The following GRWD1 variants were observed in gnomAD, a reference collection of about 807,000 sequenced individuals.
GRWD1 encodes the protein glutamate-rich WD repeat-containing protein 1.
In GRWD1, 29 loss-of-function variants were observed where a neutral mutation model predicts 45.3. The ratio of observed to expected loss-of-function variants is 0.64; its 90% CI spans 0.48 to 0.87. The LOEUF (loss-of-function observed/expected upper bound fraction) is 0.87. Ranked by LOEUF, GRWD1 falls within the 40% of genes least tolerant of loss-of-function variation. GRWD1 has a pLI of 0.00. For synonymous variants in GRWD1, 262 were observed against 257.6 expected, an observed-to-expected ratio of 1.02 and a Z score of -0.16; for missense variants, 592 against 618.8, an observed-to-expected ratio of 0.96 and a Z score of 0.46.
chr19:48,446,095 C>T lies in GRWD1; in HGVS notation c.90C>T (p.Ala30=). The T allele has an allele frequency of 6.3e-7, 1 of 1,595,116 alleles. No homozygotes were observed. Among genetic ancestry groups the T allele is most frequent in the Non-Finnish European group, 8.5e-7 (1 of 1,173,296 alleles). The change falls in exon 1 of 7, where the codon GCC becomes GCT. Residue 30 remains alanine, a synonymous_variant. Transcript: ENST00000253237. ...ESGDTSSEGP[A]QVYLPGRGPP... ...GCGACACAAGTTCCGAGGGCCCGGC[C>T]CAGGTCTACCTGCCCGGCCGGGGGC...
intron 3 of GRWD1, among the ~76,000 whole-genome samples, chr19:48,449,570 C>T (rs1601003757): frequency 6.6e-6 from 1 of 152,284 alleles, no homozygotes; most frequent in Admixed American, 6.5e-5. Flanking sequence ...TGCCTGTAAT[C>T]CCAGCACTTT....
rs1404421464 is a variant in GRWD1, at chr19:48,456,543, G to A, written c.*3518G>A. On this transcript the variant is annotated 3_prime_UTR_variant, in exon 7 of 7. Transcript: ENST00000253237. ...GTGGGAAGCAGGTGCAGGGCTTTGG[G>A]AGACCCAGTTGGTGCCAAACTTGAC... The A allele has an allele frequency of 6.6e-6, 1 of 152,228 alleles. No individual in the cohort carries two copies. Among genetic ancestry groups the A allele is most frequent in the Non-Finnish European group, 1.5e-5 (1 of 68,052 alleles). The allele number at this position is 152,228 out of a possible 1,614,324, so 9.4% of individuals were successfully genotyped here.
chr19:48,453,009 G>GA lies in GRWD1; in HGVS notation c.1325_1326insA (p.Thr443HisfsTer36), dbSNP rs1569080429. On this transcript the variant is annotated frameshift_variant, in exon 7 of 7. Coordinates refer to ENST00000253237, the MANE Select transcript of GRWD1 (RefSeq NM_031485.4). LOFTEE classifies it high-confidence loss of function. ...GCGCTGTCAGGCTTCACCATCTTCCGCACCATCAGCGTCTGAGGCGTCCCA... is the reference window on the plus strand; with the variant it reads ...GCGCTGTCAGGCTTCACCATCTTCCGACACCATCAGCGTCTGAGGCGTCCCA... 6.3e-7 allele frequency: 1 copy of GA among 1,588,384 alleles called. No homozygotes were observed. The highest frequency in any genetic ancestry group is 8.6e-7 in the Non-Finnish European group (1 of 1,162,878).
rs536206747 is a variant in GRWD1 at position 48,455,821 on chromosome 19, G to T, written c.*2796G>T. The T allele has an allele frequency of 6.6e-6, 1 of 152,476 alleles. No homozygotes were observed. The highest frequency in any genetic ancestry group is 1.9e-4 in the East Asian group (1 of 5,180). The allele number at this position is 152,476 out of a possible 1,614,324, so 9.4% of individuals were successfully genotyped here. On this transcript the variant is annotated 3_prime_UTR_variant, in exon 7 of 7. Transcript: ENST00000253237. ...GCCTGTTCCCCAACTGTGAAAGGGG[G>T]TGATGATCTTCACCTCCCGGCATCC...
chr19:48,450,937 A>G lies in GRWD1; in HGVS notation c.826-97A>G. The G allele has an allele frequency of 1.3e-6, 2 of 1,505,884 alleles. No individual in the cohort carries two copies. The highest frequency in any genetic ancestry group is 1.8e-6 in the Non-Finnish European group (2 of 1,104,422). The allele number at this position is 1,505,884 out of a possible 1,614,324, so 93.3% of individuals were successfully genotyped here. A position where few individuals can be genotyped will look rare whatever the true frequency, so the allele number is the denominator to read the frequency against. On this transcript the variant is annotated intron_variant, in intron 5 of 6. Transcript: ENST00000253237. The surrounding 1 kb of genome is among the most constrained non-coding windows in gnomAD (Gnocchi z 5.1). ...TTTAGTTTCCAGGCCAAGTCATAGT[A>G]AGGGGAACAGTGAAAGAGAGAGTAG... is the stretch of plus-strand genomic sequence containing the variant.
rs141552216 is a variant in GRWD1 at position 48,446,744 on chromosome 19, TGAA to T, written c.378_380del (p.Glu129del). On this transcript the variant is annotated inframe_deletion, in exon 3 of 7. Coordinates refer to ENST00000253237, the MANE Select transcript of GRWD1 (RefSeq NM_031485.4). ...AGCCCCCACCCTCAGAGGGCAGTGATGAAGAAGAAGAGGAGGAAGATGAAGAGG... is the reference window on the plus strand; with the variant it reads ...AGCCCCCACCCTCAGAGGGCAGTGATGAAGAAGAGGAGGAAGATGAAGAGG... 0.043 allele frequency: 69,992 copies of T among 1,613,654 alleles called. 1,742 individuals carry two copies. The highest frequency in any genetic ancestry group is 0.078 in the Admixed American group (4,650 of 59,930).
chr19:48,451,593 G>T (rs1248665675), intron 6 of GRWD1, among the ~76,000 whole-genome samples: 4 of 152,188 alleles, frequency 2.6e-5, no homozygotes, highest in Non-Finnish European at 4.4e-5. Flanking sequence ...GAGAATCGGG[G>T]CCCAGCCTGC....
chr19:48,449,047 G>A (rs1971441503), intron 3 of GRWD1, among the ~76,000 whole-genome samples: 1 of 152,090 alleles, frequency 6.6e-6, no homozygotes. Context: ...GATGACATCA[G>A]TAGTAGTGTG....
intron 3 of GRWD1, among the ~76,000 whole-genome samples, chr19:48,448,486 G>C (rs191439610): frequency 1.8e-4 from 27 of 152,334 alleles, no homozygotes; most frequent in African/African-American, 5.5e-4. Flanking sequence ...AAGGGAACGA[G>C]ATGAAACTAA....
chr19:48,451,138 C>T lies in GRWD1; in HGVS notation c.930C>T (p.Asp310=), dbSNP rs370055883. 7.0e-5 allele frequency: 113 copies of T among 1,614,008 alleles called. 1 individual carries two copies. The highest frequency in any genetic ancestry group is 4.0e-4 in the East Asian group (18 of 44,876). ...CCACAGCCACCGCCCATGATGGGGA[C>T]GTCAATGTCATCAGCTGGAGCCGCC... The part of the protein sequence containing the change: ...MLTTATAHDG[D]VNVISWSRRE... Residue 310 remains aspartate (D), a synonymous_variant, in exon 6 of 7, where the codon GAC becomes GAT. Transcript: ENST00000253237.
chr19:48,453,173 G>C lies in GRWD1; in HGVS notation c.*148G>C, dbSNP rs957850784. ...ATTCTGTTTGACGTATTGTTCTCTA[G>C]AAGGCCTGGCTCTGATCCAGTGACC... On this transcript the variant is annotated 3_prime_UTR_variant, in exon 7 of 7. Coordinates refer to ENST00000253237, the MANE Select transcript of GRWD1 (RefSeq NM_031485.4). 35 of 712,188 alleles carry C rather than the reference G, an allele frequency of 4.9e-5. No individual in the cohort carries two copies. The highest frequency in any genetic ancestry group is 7.3e-5 in the Non-Finnish European group (32 of 441,304). The allele number at this position is 712,188 out of a possible 1,614,324, so 44.1% of individuals were successfully genotyped here.
chr19:48,451,494 G>A (rs911222201), intron 6 of GRWD1, among the ~76,000 whole-genome samples: 1 of 152,160 alleles, frequency 6.6e-6, no homozygotes, highest in African/African-American at 2.4e-5. Context: ...GCAGAGACTA[G>A]GACTCTCATC....
chr19:48,445,991 C>A lies in GRWD1; in HGVS notation c.-15C>A. On this transcript the variant is annotated 5_prime_UTR_variant, in exon 1 of 7. Coordinates refer to ENST00000253237, the MANE Select transcript of GRWD1 (RefSeq NM_031485.4). ...TGACGCTCTTACCGGGTGTCAGCAG[C>A]GAGAGGGTTCGAAGATGGCGGCGCG... 2.5e-6 allele frequency: 4 copies of A among 1,570,026 alleles called. No homozygotes were observed. Among genetic ancestry groups the A allele is most frequent in the African/African-American group, 1.4e-5 (1 of 74,064 alleles).
In GRWD1 at chr19:48,453,104, G is replaced by T; in HGVS notation, c.*79G>T. ...GGCTCCCCTGGAAGGGGTTCATTCA[G>T]GTCTGTTGACTGAGACTGGCCGGCC... is the stretch of plus-strand genomic sequence containing the variant. On this transcript the variant is annotated 3_prime_UTR_variant, in exon 7 of 7. Coordinates refer to ENST00000253237, the MANE Select transcript of GRWD1 (RefSeq NM_031485.4). The T allele has an allele frequency of 2.2e-6, 3 of 1,342,860 alleles. No individual in the cohort carries two copies. Among genetic ancestry groups the T allele is most frequent in the Non-Finnish European group, 3.0e-6 (3 of 986,336 alleles). The allele number at this position is 1,342,860 out of a possible 1,614,324, so 83.2% of individuals were successfully genotyped here. A position where few individuals can be genotyped will look rare whatever the true frequency, so the allele number is the denominator to read the frequency against.
intron 3 of GRWD1, among the ~76,000 whole-genome samples, chr19:48,449,870 G>A (rs1473205009): frequency 6.6e-6 from 1 of 152,102 alleles, no homozygotes; most frequent in East Asian, 1.9e-4. Context: ...TGGAGCCCAG[G>A]GGAGAGGTCA....
At position 48,455,431 on chromosome 19, in the gene GRWD1, A is replaced by C. The variant is rs1454093301; in HGVS notation, c.*2406A>C. The C allele has an allele frequency of 6.6e-6, 1 of 152,140 alleles. No individual in the cohort carries two copies. The highest frequency in any genetic ancestry group is 1.5e-5 in the Non-Finnish European group (1 of 68,040). 9.4% of individuals were successfully genotyped at this position (152,140 alleles called of 1,614,324 possible). A position where few individuals can be genotyped will look rare whatever the true frequency, so the allele number is the denominator to read the frequency against. ...GCGGGGCTTCTTGGCCTCAGATTAG[A>C]CAGTGACTTTGACACGAAGTTGAAG... On this transcript the variant is annotated 3_prime_UTR_variant, in exon 7 of 7. Coordinates refer to ENST00000253237, the MANE Select transcript of GRWD1 (RefSeq NM_031485.4).
In GRWD1 at chr19:48,455,157, G is replaced by C. The variant is rs1327713921; in HGVS notation, c.*2132G>C. 3 of 149,472 alleles carry C rather than the reference G, an allele frequency of 2.0e-5. No individual in the cohort carries two copies. Among genetic ancestry groups the C allele is most frequent in the Non-Finnish European group, 3.0e-5 (2 of 67,718 alleles). The allele number at this position is 149,472 out of a possible 1,614,324, so 9.3% of individuals were successfully genotyped here. A position where few individuals can be genotyped will look rare whatever the true frequency, so the allele number is the denominator to read the frequency against. ...CTCTCTGGATCAATGTCCCTTTCCT[G>C]CTGCCCTCTCTGGGTCTCTGTCCCC... is the stretch of plus-strand genomic sequence containing the variant. On this transcript the variant is annotated 3_prime_UTR_variant, in exon 7 of 7. Transcript: ENST00000253237.
rs1384346856 is a variant in GRWD1 at position 48,446,452 on chromosome 19, T to TA, written c.256dup (p.Thr86AsnfsTer11). On this transcript the variant is annotated frameshift_variant, in exon 2 of 7. Transcript: ENST00000253237. LOFTEE classifies it high-confidence loss of function. Reference sequence around the variant, plus strand: ...GAGACAACCGGACAGAGCTTCCTCTTACACTTTACTTGTGTGCTGGGACCC... The same window carrying TA: ...GAGACAACCGGACAGAGCTTCCTCTTAACACTTTACTTGTGTGCTGGGACCC... 2 of 1,614,052 alleles carry TA rather than the reference T, an allele frequency of 1.2e-6. No individual in the cohort carries two copies. The highest frequency in any genetic ancestry group is 1.7e-6 in the Non-Finnish European group (2 of 1,180,044).
In GRWD1 at chr19:48,451,147, C is replaced by T; in HGVS notation, c.939C>T (p.Val313=). ...TATAHDGDVN[V]ISWSRREPFL... The stretch of plus-strand genomic sequence containing the variant: ...CCGCCCATGATGGGGACGTCAATGT[C>T]ATCAGCTGGAGCCGCCGGGAGCCCT... The change falls in exon 6 of 7, where the codon GTC becomes GTT. Residue 313 remains valine, a synonymous_variant. Coordinates refer to ENST00000253237, the MANE Select transcript of GRWD1 (RefSeq NM_031485.4). The T allele has an allele frequency of 6.2e-7, 1 of 1,614,022 alleles. No individual in the cohort carries two copies.
Sources: allele counts gnomAD v4.1 joint callset (sites outside exome capture counted in the v4.1 genomes callset), GRCh38; gene constraint gnomAD v4.1.1; non-coding constraint Gnocchi (gnomAD v3.1); transcripts MANE v1.5; gene names NCBI Gene and HGNC (gene_info 2026-07-23, HGNC 2026-07-21).